The following ACP2 variants were observed in gnomAD, a reference collection of about 807,000 sequenced individuals.
The protein encoded by ACP2 is lysosomal acid phosphatase.
A neutral mutation model predicts 54.7 loss-of-function variants in ACP2; 35 were observed. The ratio of observed to expected loss-of-function variants is 0.64; its 90% confidence interval spans 0.49 to 0.85. ACP2 has a LOEUF of 0.85. Ranked by LOEUF, ACP2 falls within the 40% of genes least tolerant of loss-of-function variation. The pLI is 0.00. For missense variants in ACP2, 492 were observed against 565.0 expected (o/e 0.87, Z 1.31); for synonymous variants, 210 against 224.4 (o/e 0.94, Z 0.57).
In ACP2 at chr11:47,243,939, C is replaced by A. The variant is rs565521919; in HGVS notation, c.773-618G>T. Among the ~76,000 whole-genome samples the A allele has an allele frequency of 3.9e-5, 6 of 152,158 alleles. No homozygotes were observed. In the South Asian group the frequency reaches 1.2e-3, roughly 32 times the overall value. ...ATCACCAGAGGTCAGGAGTTTGAGA[C>A]CAGCCTGGCCAACATAGTGAAACCC... On this transcript the variant is annotated intron_variant, in intron 7 of 10. Transcript: ENST00000672073.
In ACP2 at chr11:47,244,806, C is replaced by CGGCTGAG; in HGVS notation, c.694_700dup (p.Arg234ProfsTer72). 1 of 1,612,988 alleles carries CGGCTGAG rather than the reference C, an allele frequency of 6.2e-7. No individual in the cohort carries two copies. Among genetic ancestry groups the CGGCTGAG allele is most frequent in the Non-Finnish European group, 8.5e-7 (1 of 1,179,154 alleles). ...GAAGCGGAAGCTGAAGTCCTTTAGCCGGCTGAGACGCTGCATGGTTTGGGG... is the reference window on the plus strand; with the variant it reads ...GAAGCGGAAGCTGAAGTCCTTTAGCCGGCTGAGGGCTGAGACGCTGCATGGTTTGGGG... On this transcript the variant is annotated frameshift_variant, in exon 7 of 11. Coordinates refer to ENST00000672073, the MANE Select transcript of ACP2 (RefSeq NM_001610.4). LOFTEE classifies it high-confidence loss of function.
rs1954276855 is a variant in ACP2, at chr11:47,248,108, G to A, written c.140C>T (p.Pro47Leu). The stretch of plus-strand genomic sequence containing the variant: ...GGGGTCCTTGGGATATGTCTTCACT[G>A]GTGAACGGTCTCCATGGCGGTACAG... ...TLLYRHGDRSPVKTYPKDPYQ... is the reference protein window; with the variant it reads ...TLLYRHGDRSLVKTYPKDPYQ... Residue 47 changes from proline (P) to leucine (L), a missense_variant, in exon 2 of 11, where the codon CCA (proline) becomes CTA (leucine). Coordinates refer to ENST00000672073, the MANE Select transcript of ACP2 (RefSeq NM_001610.4). The A allele has an allele frequency of 1.9e-6, 3 of 1,611,192 alleles. No homozygotes were observed. Among genetic ancestry groups the A allele is most frequent in the Non-Finnish European group, 2.5e-6 (3 of 1,179,160 alleles).
Position 47,244,876 on chromosome 11 carries a change from C to T in ACP2, c.640-9G>A, listed in dbSNP as rs372228214. 1.8e-5 allele frequency: 29 copies of T among 1,596,180 alleles called. No homozygotes were observed. Among genetic ancestry groups the T allele is most frequent in the African/African-American group, 1.3e-4 (10 of 74,526 alleles). Reference sequence around the variant, plus strand: ...CGCAGCCCGTGCGTTTGCTGTGTATCGCAGCAGGCAGGTTAGCGCCCCAGG... The same window carrying T: ...CGCAGCCCGTGCGTTTGCTGTGTATTGCAGCAGGCAGGTTAGCGCCCCAGG... On this transcript the variant is annotated splice_polypyrimidine_tract_variant and intron_variant, in intron 6 of 10. Coordinates refer to ENST00000672073, the MANE Select transcript of ACP2 (RefSeq NM_001610.4).
chr11:47,247,866 G>T, intron 2 of ACP2, 139 bp from the exon 3 acceptor site: 2 of 946,186 alleles, frequency 2.1e-6, no homozygotes, highest in Non-Finnish European at 3.2e-6. Context: ...TTCATTAAGT[G>T]GCCAGTCATG....
In ACP2 at chr11:47,245,682, C is replaced by T. The variant is rs1359658826; in HGVS notation, c.450G>A (p.Arg150=). The change falls in exon 4 of 11, where the codon AGG becomes AGA. Residue 150 remains arginine, a splice_region_variant and synonymous_variant. Transcript: ENST00000672073. ...CCAGGGAAGGGCTGGCCACTCTTAC[C>T]CTGTCCTCAGTGATGGGCACAGTGT... The part of the protein sequence containing the change: ...PVHTVPITED[R]LLKFPLGPCP... 2.5e-6 allele frequency: 4 copies of T among 1,613,186 alleles called. No homozygotes were observed. The African/African-American group carries it at 4.0e-5, about 16-fold the overall frequency.
At position 47,247,437 on chromosome 11, in the gene ACP2, C is replaced by G. The variant is rs1240191905; in HGVS notation, c.297+204G>C. 3 of 616,528 alleles carry G rather than the reference C, an allele frequency of 4.9e-6. No homozygotes were observed. The East Asian group carries it at 8.3e-5, about 17-fold the overall frequency. 38.2% of individuals were successfully genotyped at this position (616,528 alleles called of 1,614,324 possible). ...TTAAGTCCGAATTTGGATGCTTAAT[C>G]AAATTTGCCTCATCCCAGCCAAGCA... is the stretch of plus-strand genomic sequence containing the variant. On this transcript the variant is annotated intron_variant, in intron 3 of 10. Transcript: ENST00000672073.
chr11:47,246,033 C>G (rs1349763301), intron 3 of ACP2, among the ~76,000 whole-genome samples, 199 bp from the exon 4 acceptor site: 1 of 152,168 alleles, frequency 6.6e-6, no homozygotes, highest in Non-Finnish European at 1.5e-5. Flanking sequence ...ACATCTGGCC[C>G]TCACCCTCCT....
At chr11:47,242,578 A>G in intron 10 of ACP2, 145 bp downstream of exon 10, 1 of 836,524 alleles carries the variant, frequency 1.2e-6, no homozygotes, top group East Asian at 2.5e-5. Flanking sequence ...AAGTGGGGAG[A>G]AGGTATAAAG....
chr11:47,240,005 G>A lies in ACP2; in HGVS notation c.*111C>T. On this transcript the variant is annotated 3_prime_UTR_variant, in exon 11 of 11. Coordinates refer to ENST00000672073, the MANE Select transcript of ACP2 (RefSeq NM_001610.4). ...CGCTCATCTGGCTGGGGTCATCAGA[G>A]GGAGGCCCAACCCAGGATCTCCTGT... 8.0e-7 allele frequency: 1 copy of A among 1,252,032 alleles called. No individual in the cohort carries two copies. Among genetic ancestry groups the A allele is most frequent in the Non-Finnish European group, 1.1e-6 (1 of 904,106 alleles). The allele number at this position is 1,252,032 out of a possible 1,614,324, so 77.6% of individuals were successfully genotyped here.
intron 1 of ACP2, chr11:47,248,455 A>G (rs1444595568): frequency 5.8e-6 from 9 of 1,545,164 alleles, no homozygotes; most frequent in Non-Finnish European, 7.8e-6. Context: ...TTAACCATTC[A>G]ACCACTTCCC....
chr11:47,245,846 G>A lies in ACP2; in HGVS notation c.298-12C>T, dbSNP rs909445067. The A allele has an allele frequency of 6.4e-7, 1 of 1,558,404 alleles. No homozygotes were observed. Among genetic ancestry groups the A allele is most frequent in the Non-Finnish European group, 8.7e-7 (1 of 1,151,552 alleles). On this transcript the variant is annotated splice_polypyrimidine_tract_variant and intron_variant, in intron 3 of 10. Transcript: ENST00000672073. ...CTTCGCACATAAACCTGCAGCGATA[G>A]CAACACAAGTCGTGTGTGTGTGTGT...
In ACP2 at chr11:47,247,733, G is replaced by A. The variant is rs769467420; in HGVS notation, c.211-6C>T. On this transcript the variant is annotated splice_region_variant and splice_polypyrimidine_tract_variant and intron_variant, in intron 2 of 10. Transcript: ENST00000672073. ...CAGTGCTGTAGCATCCCCTCCTGTGGGCAAACCCAAGGGTTAAGAGGGTCT... is the reference window on the plus strand; with the variant it reads ...CAGTGCTGTAGCATCCCCTCCTGTGAGCAAACCCAAGGGTTAAGAGGGTCT... 8 of 1,613,252 alleles carry A rather than the reference G, an allele frequency of 5.0e-6. No individual in the cohort carries two copies. In the South Asian group the frequency reaches 7.7e-5, roughly 16 times the overall value.
chr11:47,240,107 G>A lies in ACP2; in HGVS notation c.*9C>T, dbSNP rs776042383. The A allele has an allele frequency of 2.1e-5, 34 of 1,612,148 alleles. No individual in the cohort carries two copies. Among genetic ancestry groups the A allele is most frequent in the Non-Finnish European group, 2.9e-5 (34 of 1,179,352 alleles). ...CCTAGGAGGTGGAGGGAAGGGGGCT[G>A]AGTGGTTGTCAGGCGTGGTCCTCCC... On this transcript the variant is annotated 3_prime_UTR_variant, in exon 11 of 11. Transcript: ENST00000672073.
At chr11:47,244,682 T>C in intron 7 of ACP2, 53 bp downstream of exon 7, 5 of 1,447,652 alleles carry the variant, frequency 3.5e-6, no homozygotes, top group Non-Finnish European at 4.7e-6. Context: ...CAGCAGATTT[T>C]TAACGCCTTA....
chr11:47,244,639 T>C (rs535850516), intron 7 of ACP2, 96 bp downstream of exon 7: 7 of 983,046 alleles, frequency 7.1e-6, no homozygotes. Context: ...AGGGAGTGTT[T>C]CAGTAGAGAG....
chr11:47,247,988 C>A, intron 2 of ACP2, 50 bp downstream of exon 2: 1 of 1,478,638 alleles, frequency 6.8e-7, no homozygotes, highest in Non-Finnish European at 9.2e-7. Context: ...CTGCTCTAGA[C>A]GTCGCTCATT....
At chr11:47,242,617 G>T in intron 10 of ACP2, 106 bp downstream of exon 10, 1 of 1,395,632 alleles carries the variant, frequency 7.2e-7, no homozygotes, top group Non-Finnish European at 9.9e-7. Flanking sequence ...GGAACTCCTA[G>T]CAAATGCAGT....
chr11:47,247,477 C>T lies in ACP2; in HGVS notation c.297+164G>A, dbSNP rs371223401. On this transcript the variant is annotated intron_variant, in intron 3 of 10. Transcript: ENST00000672073. ...CCAGCCAAGCAGGGGCAACTCAGCT[C>T]CTAGGGCTTTGTTCCAGACAGCTCT... The T allele has an allele frequency of 1.9e-5, 15 of 790,208 alleles. No individual in the cohort carries two copies. In the East Asian group the frequency reaches 3.7e-4, roughly 20 times the overall value. 48.9% of individuals were successfully genotyped at this position (790,208 alleles called of 1,614,324 possible). A position where few individuals can be genotyped will look rare whatever the true frequency, so the allele number is the denominator to read the frequency against.
At position 47,248,681 on chromosome 11, in the gene ACP2, T is replaced by A; in HGVS notation, c.109A>T (p.Thr37Ser). 6.2e-7 allele frequency: 1 copy of A among 1,610,686 alleles called. No individual in the cohort carries two copies. Among genetic ancestry groups the A allele is most frequent in the African/African-American group, 1.3e-5 (1 of 74,970 alleles). ...PTRARSLRFV[T>S]LLYRHGDRSP... ...GTGAGCCCATCTCTCATTACCAAGGTAACGAAGCGCAGACTCCGGGCCCGG... is the reference window on the plus strand; with the variant it reads ...GTGAGCCCATCTCTCATTACCAAGGAAACGAAGCGCAGACTCCGGGCCCGG... Residue 37 changes from threonine (T) to serine (S), a missense_variant, in exon 1 of 11, where the codon ACC (threonine) becomes TCC (serine). Physicochemically the swap from Thr to Ser is moderately conservative, Grantham distance 58. Transcript: ENST00000672073.
Sources: allele counts gnomAD v4.1 joint callset (sites outside exome capture counted in the v4.1 genomes callset), GRCh38; gene constraint gnomAD v4.1.1; transcripts MANE v1.5; gene names NCBI Gene and HGNC (gene_info 2026-07-23, HGNC 2026-07-21).